The following RNF130 variants were observed in gnomAD, a reference collection of about 807,000 sequenced individuals.
RNF130 encodes the protein ring finger protein 130.
A neutral mutation model predicts 44.6 loss-of-function variants in RNF130; 21 were observed. The ratio of observed to expected loss-of-function variants is 0.47; its 90% CI spans 0.33 to 0.68. The LOEUF is 0.68. Among genes scored for constraint, RNF130 ranks in the 30% least tolerant of loss-of-function variants. The pLI, the probability that RNF130 is intolerant of heterozygous loss-of-function variation, is 0.02. For missense variants in RNF130, 479 were observed against 560.6 expected, an observed-to-expected ratio of 0.85 and a Z score of 1.47; for synonymous variants, 214 against 210.4, an observed-to-expected ratio of 1.02 and a Z score of -0.15.
chr5:179,946,367 G>A (rs1375912771), intron 7 of RNF130, among the ~76,000 whole-genome samples: 1 of 152,190 alleles, frequency 6.6e-6, no homozygotes, highest in African/African-American at 2.4e-5. Flanking sequence ...GACCCACGGT[G>A]AGAAACCCCG....
At chr5:179,985,531 G>C (rs1762935066) in intron 3 of RNF130, among the ~76,000 whole-genome samples, 1 of 151,972 alleles carries the variant, frequency 6.6e-6, no homozygotes, top group Non-Finnish European at 1.5e-5. Flanking sequence ...GGGTGGCCAG[G>C]GGCATTATCC....
intron 7 of RNF130, among the ~76,000 whole-genome samples, chr5:179,931,027 T>TTG: frequency 8.4e-6 from 1 of 119,564 alleles, no homozygotes; most frequent in Non-Finnish European, 1.7e-5. Flanking sequence ...ACCAAACCTC[T>TTG]GTCTCAAAAA....
intron 1 of RNF130, among the ~76,000 whole-genome samples, chr5:180,062,136 C>T (rs997613075): frequency 1.3e-5 from 2 of 151,234 alleles, no homozygotes; most frequent in Admixed American, 6.6e-5. Context: ...CTCACTGCAA[C>T]CTCTGCCTCC....
chr5:179,960,458 G>A (rs1383418008), intron 8 of RNF130, among the ~76,000 whole-genome samples: 2 of 152,194 alleles, frequency 1.3e-5, no homozygotes, highest in African/African-American at 2.4e-5. Flanking sequence ...CCAACAGCAC[G>A]AAGCCCTTGG....
intron 1 of RNF130, among the ~76,000 whole-genome samples, chr5:180,065,934 CAAGAA>C (rs1407417709): frequency 1.3e-5 from 2 of 151,980 alleles, no homozygotes; most frequent in African/African-American, 4.8e-5. Context: ...TCAAATCTAT[CAAGAA>C]AAGATAAAAA....
downstream of RNF130, among the ~76,000 whole-genome samples, chr5:179,950,412 C>T (rs552867655): frequency 3.2e-4 from 48 of 152,160 alleles, no homozygotes; most frequent in Non-Finnish European, 5.7e-4. Flanking sequence ...CCACCCCACC[C>T]GGCCTAAATA....
chr5:179,982,788 T>C (rs1455666448), intron 3 of RNF130, among the ~76,000 whole-genome samples: 1 of 152,204 alleles, frequency 6.6e-6, no homozygotes, highest in East Asian at 1.9e-4. Context: ...CTCACTATGT[T>C]GCCCAGGCTG....
chr5:179,925,565 T>C (rs1761696148), intron 7 of RNF130, among the ~76,000 whole-genome samples: 1 of 152,178 alleles, frequency 6.6e-6, no homozygotes, highest in African/African-American at 2.4e-5. Context: ...CTCACTCTGT[T>C]GCCCAAGCTG....
At chr5:180,055,270 A>C (rs866156811) in intron 1 of RNF130, among the ~76,000 whole-genome samples, 30 of 18,368 alleles carry the variant, frequency 1.6e-3, no homozygotes, top group South Asian at 8.1e-3. Flanking sequence ...AAAAAAAAAA[A>C]AAAAAAAAAA....
chr5:179,985,042 A>G (rs1261333274), intron 3 of RNF130, among the ~76,000 whole-genome samples: 2 of 152,122 alleles, frequency 1.3e-5, no homozygotes, highest in Non-Finnish European at 2.9e-5. Context: ...AACAACATGG[A>G]AACACCCATT....
At chr5:179,952,219 T>C (rs114874204), downstream of RNF130, among the ~76,000 whole-genome samples, 1,335 of 151,430 alleles carry the variant, frequency 8.8e-3, 10 homozygotes, top group Non-Finnish European at 0.014. Flanking sequence ...AAAACAAGAT[T>C]TGAGTAAAAA....
intron 1 of RNF130, among the ~76,000 whole-genome samples, chr5:180,068,199 A>G (rs1447234628): frequency 6.6e-6 from 1 of 152,270 alleles, no homozygotes; most frequent in East Asian, 1.9e-4. Context: ...ACAAAAAGTT[A>G]GTGTGCACAC....
Position 180,066,053 on chromosome 5 carries a change from AAT to A in RNF130, c.247+5401_247+5402del, listed in dbSNP as rs1418006432. 4.6e-5 allele frequency among the ~76,000 whole-genome samples: 7 copies of A among 152,340 alleles called. No individual in the cohort carries two copies. In the East Asian group the frequency reaches 9.6e-4, roughly 21 times the overall value. ...ATGTTTAATGTTTTCACTGCTGCAT[AAT>A]ATGTGCATATATGTGTACACATACA... On this transcript the variant is annotated intron_variant, in intron 1 of 8. Coordinates refer to ENST00000521389, the MANE Select transcript of RNF130 (RefSeq NM_018434.6).
At chr5:180,063,775 G>A (rs952244887) in intron 1 of RNF130, among the ~76,000 whole-genome samples, 5 of 152,206 alleles carry the variant, frequency 3.3e-5, no homozygotes, top group Non-Finnish European at 4.4e-5. Flanking sequence ...CTGTTGAGCT[G>A]TAGGAAGCAT....
chr5:180,023,073 A>C (rs537775625), intron 2 of RNF130, among the ~76,000 whole-genome samples: 3 of 152,344 alleles, frequency 2.0e-5, no homozygotes, highest in Admixed American at 2.0e-4. Flanking sequence ...TAGATGTAGG[A>C]TGGCAAGAGC....
chr5:179,942,575 C>T (rs1401254516), intron 7 of RNF130, among the ~76,000 whole-genome samples: 2 of 152,166 alleles, frequency 1.3e-5, no homozygotes, highest in African/African-American at 4.8e-5. Flanking sequence ...GAATTTTAGA[C>T]ATTTTAAAGG....
intron 2 of RNF130, among the ~76,000 whole-genome samples, chr5:180,024,730 ACAG>A (rs1763949771): frequency 6.6e-6 from 1 of 152,236 alleles, no homozygotes; most frequent in Admixed American, 6.5e-5. Context: ...GAAATAAAGA[ACAG>A]CAGAACTGTT....
chr5:179,998,800 T>C (rs1763260088), intron 3 of RNF130, among the ~76,000 whole-genome samples: 1 of 148,464 alleles, frequency 6.7e-6, no homozygotes, highest in South Asian at 2.1e-4. Flanking sequence ...GAGTGGGGTG[T>C]TGAATTCCCC....
intron 3 of RNF130, 43 bp downstream of exon 3, chr5:180,013,018 C>A: frequency 6.3e-7 from 1 of 1,576,974 alleles, no homozygotes; most frequent in Non-Finnish European, 8.6e-7. Flanking sequence ...TGACTGTGAA[C>A]TCTGGCTGTT....
Sources: allele counts gnomAD v4.1 joint callset (sites outside exome capture counted in the v4.1 genomes callset), GRCh38; gene constraint gnomAD v4.1.1; transcripts MANE v1.5; gene names NCBI Gene and HGNC (gene_info 2026-07-23, HGNC 2026-07-21).